KIAA1217: variants seen among roughly 807,000 people sequenced by gnomAD.
The protein encoded by KIAA1217 is sickle tail protein homolog.
A neutral mutation model predicts 163.9 loss-of-function variants in KIAA1217; 88 were observed. That is an observed-to-expected ratio of 0.54 (90% CI 0.45 to 0.64). KIAA1217 has a LOEUF of 0.64. Among genes scored for constraint, KIAA1217 ranks in the 30% least tolerant of loss-of-function variants. The pLI, the probability that KIAA1217 is intolerant of heterozygous loss-of-function variation, is 0.00. For missense variants in KIAA1217, 2,372 were observed against 2,475.0 expected (o/e 0.96, Z 0.88); for synonymous variants, 903 against 923.1 (o/e 0.98, Z 0.39).
intron 2 of KIAA1217, among the ~76,000 whole-genome samples, chr10:24,134,267 G>A (rs767188273): frequency 1.3e-5 from 2 of 152,200 alleles, no homozygotes; most frequent in Non-Finnish European, 2.9e-5. Context: ...CATTTTAGCA[G>A]AGCAAACATA....
chr10:23,880,498 A>G (rs1840902516), intron 1 of KIAA1217, among the ~76,000 whole-genome samples: 1 of 151,956 alleles, frequency 6.6e-6, no homozygotes, highest in African/African-American at 2.4e-5. Flanking sequence ...TAATGGGTAC[A>G]AAAAATATTT....
chr10:24,094,861 C>G (rs1328974192), intron 2 of KIAA1217, among the ~76,000 whole-genome samples: 1 of 152,192 alleles, frequency 6.6e-6, no homozygotes, highest in Non-Finnish European at 1.5e-5. Flanking sequence ...GGCAGGCAGG[C>G]TTTCTTGAGC....
chr10:24,209,160 A>G lies in KIAA1217; in HGVS notation c.-34A>G, dbSNP rs1394267397. The G allele has an allele frequency of 3.1e-6, 5 of 1,605,002 alleles. No individual in the cohort carries two copies. ...TTTAGAACTGCGCTCTGAAGTTTCCAGAGAGCGAGGAGCTTTTGCGGCAGG... is the reference window on the plus strand; with the variant it reads ...TTTAGAACTGCGCTCTGAAGTTTCCGGAGAGCGAGGAGCTTTTGCGGCAGG... On this transcript the variant is annotated 5_prime_UTR_variant, in exon 1 of 21. Transcript: ENST00000376454.
rs202105073 is a variant in KIAA1217 at position 24,544,099 on chromosome 10, A to T, written c.4829A>T (p.Glu1610Val). The part of the protein sequence containing the change: ...LQVVVYEEEE[E>V]DGTLKQHKEA... ...GTGGTAGTCTATGAAGAAGAGGAAG[A>T]GGATGGCACCCTGAAACAGCACAAA... Residue 1610 changes from glutamate (E) to valine (V), a missense_variant, in exon 19 of 21, where the codon GAG becomes GTG. Transcript: ENST00000376454. 115 of 1,614,110 alleles carry T rather than the reference A, an allele frequency of 7.1e-5. No homozygotes were observed. Among genetic ancestry groups the T allele is most frequent in the Non-Finnish European group, 8.9e-5 (105 of 1,180,048 alleles).
At chr10:24,038,428 C>A (rs1040935824) in intron 2 of KIAA1217, among the ~76,000 whole-genome samples, 2 of 152,164 alleles carry the variant, frequency 1.3e-5, no homozygotes, top group Admixed American at 1.3e-4. Flanking sequence ...ACAGCTCAAA[C>A]CAAGCATGGT....
chr10:23,997,001 T>A (rs1846517658), intron 1 of KIAA1217, among the ~76,000 whole-genome samples: 1 of 152,252 alleles, frequency 6.6e-6, no homozygotes, highest in African/African-American at 2.4e-5. Flanking sequence ...AACTCACTGT[T>A]ACTTCTTAGA....
At chr10:24,438,898 C>T (rs189775692) in intron 5 of KIAA1217, among the ~76,000 whole-genome samples, 76 of 152,310 alleles carry the variant, frequency 5.0e-4, no homozygotes, top group African/African-American at 1.8e-3. Flanking sequence ...CTTACATTAG[C>T]TCTTCCAAGT....
At chr10:24,537,314 G>A (rs989838361) in intron 17 of KIAA1217, among the ~76,000 whole-genome samples, 19 of 152,220 alleles carry the variant, frequency 1.2e-4, no homozygotes, top group South Asian at 4.1e-4. Context: ...AGTGGCTCAC[G>A]CTTGTAATCC....
rs1399282943 is a variant in KIAA1217 at position 24,446,724 on chromosome 10, C to T, written c.846+8245C>T. Among the ~76,000 whole-genome samples the T allele has an allele frequency of 2.0e-5, 3 of 152,316 alleles. No homozygotes were observed. The East Asian group carries it at 5.8e-4, about 29-fold the overall frequency. ...ACTCTGTGCCAGTCACCATACTGAG[C>T]AATTTGCTTGTATTTACTGCCATTT... On this transcript the variant is annotated intron_variant, in intron 5 of 20. Transcript: ENST00000376454.
intron 10 of KIAA1217, among the ~76,000 whole-genome samples, chr10:24,517,863 C>T (rs1237017234): frequency 2.6e-5 from 4 of 152,070 alleles, no homozygotes; most frequent in Admixed American, 6.6e-5. Flanking sequence ...GGCATGGTGG[C>T]GGGCACCTGT....
chr10:24,542,411 T>C (rs1276943719), intron 17 of KIAA1217: 11 of 736,962 alleles, frequency 1.5e-5, no homozygotes, highest in Non-Finnish European at 2.2e-5. Flanking sequence ...ATGTTAGTAA[T>C]GACTCTGTCC....
At position 24,168,860 on chromosome 10, in the gene KIAA1217, CAG is replaced by C. The variant is rs2065482406; in HGVS notation, c.-170-50764_-170-50763del. ...TTCTTTTCTTAAGCAAAGGAAACTC[CAG>C]AATCTAAAGAGGCCATTTTTCATCT... On this transcript the variant is annotated intron_variant, in intron 2 of 18. Transcript: ENST00000376462. Among the ~76,000 whole-genome samples the C allele has an allele frequency of 2.6e-5, 4 of 152,190 alleles. No individual in the cohort carries two copies. In the South Asian group the frequency reaches 8.3e-4, roughly 31 times the overall value.
intron 2 of KIAA1217, among the ~76,000 whole-genome samples, chr10:24,177,483 G>A (rs559103586): frequency 2.7e-5 from 4 of 150,416 alleles, no homozygotes; most frequent in East Asian, 3.9e-4. Context: ...ACATGCACAC[G>A]CAAGTATCTT....
chr10:24,444,005 T>C (rs1194188307), intron 5 of KIAA1217, among the ~76,000 whole-genome samples: 1 of 149,878 alleles, frequency 6.7e-6, no homozygotes, highest in Non-Finnish European at 1.5e-5. Flanking sequence ...CTGTTTGTTT[T>C]CTTTTCTTTT....
chr10:24,035,992 A>G (rs975450169), intron 2 of KIAA1217, among the ~76,000 whole-genome samples: 1 of 152,228 alleles, frequency 6.6e-6, no homozygotes, highest in East Asian at 1.9e-4. Context: ...GCCAGAAAAC[A>G]GAAGTGCGCA....
At position 24,124,020 on chromosome 10, in the gene KIAA1217, T is replaced by C. The variant is rs191192392; in HGVS notation, c.-170-95606T>C. On this transcript the variant is annotated intron_variant, in intron 2 of 18. Transcript: ENST00000376462. Reference sequence around the variant, plus strand: ...GACTTTTTCCTTACTTTATTTAGGCTATCTTTTATCATATAGAAGTTAAAA... The same window carrying C: ...GACTTTTTCCTTACTTTATTTAGGCCATCTTTTATCATATAGAAGTTAAAA... Among the ~76,000 whole-genome samples the C allele has an allele frequency of 5.3e-5, 8 of 152,350 alleles. 1 individual carries two copies. In the East Asian group the frequency reaches 1.5e-3, roughly 29 times the overall value.
chr10:23,755,307 T>C lies in KIAA1217; in HGVS notation c.-321+60073T>C, dbSNP rs571592562. Among the ~76,000 whole-genome samples the C allele has an allele frequency of 1.6e-4, 25 of 152,284 alleles. 1 individual carries two copies. Among genetic ancestry groups the C allele is most frequent in the African/African-American group, 5.8e-4 (24 of 41,562 alleles). On this transcript the variant is annotated intron_variant, in intron 1 of 18. Transcript: ENST00000376462. ...AGGGAGAGGAAAAACATTTCTAATA[T>C]ATACGACAGTTCTTCACCATAGATC...
intron 1 of KIAA1217, among the ~76,000 whole-genome samples, chr10:23,979,697 C>T (rs1416588612): frequency 6.6e-6 from 1 of 152,124 alleles, no homozygotes; most frequent in Non-Finnish European, 1.5e-5. Flanking sequence ...CTCTCACAGG[C>T]TTGTCTGCCT....
intron 2 of KIAA1217, among the ~76,000 whole-genome samples, chr10:24,372,869 T>C (rs2051882813): frequency 6.6e-6 from 1 of 152,204 alleles, no homozygotes; most frequent in Admixed American, 6.5e-5. Context: ...AAAGATGTAA[T>C]ATGTACAGAT....
Sources: allele counts gnomAD v4.1 joint callset (sites outside exome capture counted in the v4.1 genomes callset), GRCh38; gene constraint gnomAD v4.1.1; transcripts MANE v1.5; gene names NCBI Gene and HGNC (gene_info 2026-07-23, HGNC 2026-07-21).